Variants in USP4 observed in about 807,000 individuals in gnomAD.
USP4 encodes ubiquitin specific peptidase 4.
In USP4, 72 loss-of-function variants were observed where a neutral mutation model predicts 118.2. That is an observed-to-expected ratio of 0.61 (90% CI 0.50 to 0.74). The LOEUF (loss-of-function observed/expected upper bound fraction) is 0.74. Among genes scored for constraint, USP4 ranks in the 30% least tolerant of loss-of-function variants. The probability of loss-of-function intolerance (pLI) is 0.00; values close to 1 mark genes in which losing one functional copy is unlikely to be tolerated. For missense variants in USP4, 1,037 were observed against 1,185.7 expected (o/e 0.87, Z 1.84); for synonymous variants, 415 against 440.4 (o/e 0.94, Z 0.72).
At chr3:49,287,737 G>T (rs1002063298) in intron 15 of USP4, among the ~76,000 whole-genome samples, 1 of 152,136 alleles carries the variant, frequency 6.6e-6, no homozygotes, top group Non-Finnish European at 1.5e-5. Context: ...CTCCCAAAAT[G>T]ATGGGATTAC....
At position 49,280,620 on chromosome 3, in the gene USP4, C is replaced by A. The variant is rs556338043; in HGVS notation, c.2644+124G>T. On this transcript the variant is annotated intron_variant, in intron 20 of 21. Coordinates refer to ENST00000265560, the MANE Select transcript of USP4 (RefSeq NM_003363.4). ...GAGAGGGGAATCAGTATGAAGAAAG[C>A]GTGCAGCATGAAGCCTGTGAAACTG... The A allele has an allele frequency of 2.3e-5, 14 of 610,054 alleles. 1 individual carries two copies. Among genetic ancestry groups the A allele is most frequent in the Middle Eastern group, 3.3e-4 (1 of 3,034 alleles). 37.8% of individuals were successfully genotyped at this position (610,054 alleles called of 1,614,324 possible).
At chr3:49,339,874 T>A (rs1157733442) in intron 1 of USP4, 50 bp downstream of exon 1, 1 of 1,538,272 alleles carries the variant, frequency 6.5e-7, no homozygotes. Flanking sequence ...GGAGGCCCCT[T>A]TTTCTCGGCC....
At chr3:49,281,714 C>CAAAA (rs35039639) in intron 19 of USP4, among the ~76,000 whole-genome samples, 1 of 73,748 alleles carries the variant, frequency 1.4e-5, no homozygotes, top group Non-Finnish European at 2.8e-5. Flanking sequence ...AACTCCGTCT[C>CAAAA]AAAAAAAAAA....
At chr3:49,302,277 A>C in intron 10 of USP4, 107 bp downstream of exon 10, 4 of 1,306,302 alleles carry the variant, frequency 3.1e-6, no homozygotes, top group Non-Finnish European at 4.1e-6. Flanking sequence ...GTGAGAAGCA[A>C]CCAGGGCCCT....
chr3:49,295,714 G>GCGCACACACACACACACACACACACA (rs149459963), intron 13 of USP4, among the ~76,000 whole-genome samples: 3 of 148,316 alleles, frequency 2.0e-5, no homozygotes, highest in African/African-American at 7.8e-5. Context: ...GCGCGCGCGC[G>GCGCACACACACACACACACACACACA]CACACACACA....
intron 1 of USP4, among the ~76,000 whole-genome samples, chr3:49,338,598 G>A (rs2047696686): frequency 6.7e-6 from 1 of 148,880 alleles, no homozygotes; most frequent in South Asian, 2.1e-4. Context: ...GGAGGGGGAG[G>A]TTGCCGTGAC....
intron 8 of USP4, among the ~76,000 whole-genome samples, 182 bp downstream of exon 8, chr3:49,310,438 C>A (rs571328735): frequency 2.2e-4 from 33 of 152,136 alleles, no homozygotes; most frequent in Non-Finnish European, 4.7e-4. Flanking sequence ...CATCTGGGGT[C>A]CACAAACACT....
intron 6 of USP4, among the ~76,000 whole-genome samples, chr3:49,322,562 T>C (rs2047513425): frequency 6.6e-6 from 1 of 152,156 alleles, no homozygotes; most frequent in Non-Finnish European, 1.5e-5. Flanking sequence ...AGGAATTTCT[T>C]TGCAACTCTA....
chr3:49,285,930 G>A (rs1273855170), intron 16 of USP4, among the ~76,000 whole-genome samples, 168 bp downstream of exon 16: 2 of 152,102 alleles, frequency 1.3e-5, no homozygotes, highest in Non-Finnish European at 2.9e-5. Flanking sequence ...AAGGTAGGGG[G>A]ATCTCTGAAA....
chr3:49,334,958 C>T (rs1169940630), intron 2 of USP4, among the ~76,000 whole-genome samples: 1 of 152,198 alleles, frequency 6.6e-6, no homozygotes, highest in Non-Finnish European at 1.5e-5. Context: ...TAGTGTGTTA[C>T]ATGTCGCTTT....
chr3:49,297,208 CTGGGAGCAGCAGGCAAGTTCATGTA>C (rs1007917944), intron 13 of USP4, among the ~76,000 whole-genome samples: 3 of 152,182 alleles, frequency 2.0e-5, no homozygotes, highest in African/African-American at 7.2e-5. Context: ...AAGTGGCTGC[CTGGGAGCAGCAGGCAAGTTCATGTA>C]TGGGAGCAGC....
intron 19 of USP4, among the ~76,000 whole-genome samples, chr3:49,283,230 G>A (rs1371097444): frequency 3.3e-5 from 5 of 149,356 alleles, no homozygotes; most frequent in Admixed American, 6.7e-5. Flanking sequence ...TGGCCAGGAT[G>A]GTCTCGATCT....
intron 2 of USP4, among the ~76,000 whole-genome samples, chr3:49,328,945 C>T (rs1232896568): frequency 1.3e-5 from 2 of 151,396 alleles, no homozygotes; most frequent in East Asian, 2.0e-4. Context: ...TTTCGGAGGC[C>T]GAGGTGGGCA....
At chr3:49,293,900 C>G (rs2047176877) in intron 14 of USP4, among the ~76,000 whole-genome samples, 1 of 151,966 alleles carries the variant, frequency 6.6e-6, no homozygotes, top group Non-Finnish European at 1.5e-5. Flanking sequence ...CTCCTAGGAT[C>G]ACGGTACCTA....
intron 13 of USP4, among the ~76,000 whole-genome samples, chr3:49,295,465 C>T (rs1025357930): frequency 6.6e-6 from 1 of 151,820 alleles, no homozygotes; most frequent in Non-Finnish European, 1.5e-5. Context: ...GTGAAAGAAT[C>T]GTATCTAATT....
chr3:49,277,149 C>T lies in USP4; in HGVS notation c.*1144G>A, dbSNP rs539655510. On this transcript the variant is annotated 3_prime_UTR_variant, in exon 22 of 22. Coordinates refer to ENST00000265560, the MANE Select transcript of USP4 (RefSeq NM_003363.4). Reference sequence around the variant, plus strand: ...AGGCCGCTGGCCCTACCGGCACCCCCCCTTTGGCGAGTCGGCAGCCACGTC... The same window carrying T: ...AGGCCGCTGGCCCTACCGGCACCCCTCCTTTGGCGAGTCGGCAGCCACGTC... The T allele has an allele frequency of 6.3e-6, 9 of 1,439,370 alleles. 1 individual carries two copies. The highest frequency in any genetic ancestry group is 2.8e-5 in the African/African-American group (2 of 71,204). The allele number at this position is 1,439,370 out of a possible 1,614,324, so 89.2% of individuals were successfully genotyped here.
intron 10 of USP4, 30 bp downstream of exon 10, chr3:49,302,354 A>G (rs749939476): frequency 6.2e-7 from 1 of 1,606,190 alleles, no homozygotes; most frequent in Non-Finnish European, 8.5e-7. Context: ...TCTTTGGCAT[A>G]TTATCATTCA....
intron 6 of USP4, chr3:49,317,294 C>T (rs750665924): frequency 2.4e-5 from 35 of 1,485,574 alleles, no homozygotes; most frequent in South Asian, 8.3e-5. Context: ...TTCTCGTTGA[C>T]GCAGGCCAGC....
chr3:49,284,281 G>T, intron 18 of USP4, 145 bp from the exon 19 acceptor site: 3 of 1,245,086 alleles, frequency 2.4e-6, no homozygotes, highest in African/African-American at 1.5e-5. Flanking sequence ...CCAGGGACCT[G>T]TCTTCCAAAA....
Sources: gnomAD v4.1 joint callset for allele counts (sites outside exome capture counted in the v4.1 genomes callset) on GRCh38, gnomAD v4.1.1 for gene constraint, MANE v1.5 for transcripts, NCBI Gene and HGNC (gene_info 2026-07-23, HGNC 2026-07-21) for gene names.